The following ROPN1L variants were observed in gnomAD, a reference collection of about 807,000 sequenced individuals.
ROPN1L encodes the protein ropporin-1-like protein.
In ROPN1L, 23 loss-of-function variants were observed where a neutral mutation model predicts 22.7. The ratio of observed to expected loss-of-function variants is 1.01; its 90% CI spans 0.73 to 1.43. ROPN1L has a LOEUF of 1.43. Ranked by LOEUF, ROPN1L falls within the 40% of genes most tolerant of loss-of-function variation. The probability of loss-of-function intolerance (pLI) is 0.00; values close to 1 mark genes in which losing one functional copy is unlikely to be tolerated. For synonymous variants in ROPN1L, 116 were observed against 117.8 expected (o/e 0.98, Z 0.10); for missense variants, 271 against 291.5 (o/e 0.93, Z 0.51).
chr5:10,462,624 T>C (rs1022858094), intron 4 of ROPN1L, among the ~76,000 whole-genome samples: 1 of 152,198 alleles, frequency 6.6e-6, no homozygotes, highest in African/African-American at 2.4e-5. Flanking sequence ...CTGGGCACGG[T>C]GCCTCACGCC....
the ROPN1L span, among the ~76,000 whole-genome samples, chr5:10,479,684 G>A: frequency 2.6e-5 from 4 of 152,194 alleles, no homozygotes; most frequent in Non-Finnish European, 5.9e-5. Context: ...CTGAGCTCCT[G>A]TCCCTACTGT....
downstream of ROPN1L, among the ~76,000 whole-genome samples, chr5:10,472,970 G>T (rs1735271636): frequency 6.6e-6 from 1 of 152,192 alleles, no homozygotes; most frequent in South Asian, 2.1e-4. Flanking sequence ...GGAAGGCAGA[G>T]TGCCAGGGTT....
chr5:10,473,245 G>C (rs1324870642), downstream of ROPN1L, among the ~76,000 whole-genome samples: 4 of 152,146 alleles, frequency 2.6e-5, no homozygotes, highest in African/African-American at 9.7e-5. Context: ...TTTGGAAAAA[G>C]GGTCTTTGTA....
At chr5:10,467,403 G>A (rs1735172950), downstream of ROPN1L, among the ~76,000 whole-genome samples, 1 of 152,144 alleles carries the variant, frequency 6.6e-6, no homozygotes, top group Non-Finnish European at 1.5e-5. Flanking sequence ...GGTTAAGGAC[G>A]TGCCTGGAAG....
chr5:10,465,514 C>CA (rs149350040), downstream of ROPN1L, among the ~76,000 whole-genome samples: 21,119 of 136,224 alleles, frequency 0.16, 2,218 homozygotes, highest in East Asian at 0.55. Flanking sequence ...GACTCCGTCT[C>CA]AAAAAAAAAC....
chr5:10,457,225 T>C (rs1251594905), intron 3 of ROPN1L, among the ~76,000 whole-genome samples: 1 of 152,040 alleles, frequency 6.6e-6, no homozygotes, highest in African/African-American at 2.4e-5. Context: ...AACCGTGCCG[T>C]CCACCTCGGC....
chr5:10,444,344 G>A (rs1464978109), intron 1 of ROPN1L, among the ~76,000 whole-genome samples: 5 of 152,116 alleles, frequency 3.3e-5, no homozygotes, highest in Non-Finnish European at 7.3e-5. Flanking sequence ...AGGCTGGAGT[G>A]CAATGGCGAG....
At chr5:10,482,789 A>T in the ROPN1L span, among the ~76,000 whole-genome samples, 20 of 152,372 alleles carry the variant, frequency 1.3e-4, no homozygotes, top group East Asian at 3.5e-3. Flanking sequence ...GTGAAGAATC[A>T]TGAGATAAAA....
At chr5:10,465,027 C>T (rs1735128560), downstream of ROPN1L, 1 of 786,048 alleles carries the variant, frequency 1.3e-6, no homozygotes, top group East Asian at 2.5e-5. Flanking sequence ...CTGAATCACA[C>T]ACCTCTGTAG....
At chr5:10,481,873 G>A in the ROPN1L span, 1 of 152,342 alleles carries the variant, frequency 6.6e-6, no homozygotes, top group South Asian at 2.1e-4. Context: ...CTGCTCTGTA[G>A]GGAGACACCA....
intron 1 of ROPN1L, 143 bp from the exon 2 acceptor site, chr5:10,448,117 G>C (rs1008310990): frequency 3.0e-5 from 26 of 870,490 alleles, no homozygotes; most frequent in Non-Finnish European, 3.7e-5. Flanking sequence ...CCAAGTGGAG[G>C]AACCAGGACA....
chr5:10,476,024 C>G (rs1735312196), downstream of ROPN1L, among the ~76,000 whole-genome samples: 1 of 152,210 alleles, frequency 6.6e-6, no homozygotes, highest in Admixed American at 6.5e-5. Flanking sequence ...AGGTGAAGAG[C>G]AGGGAGGAGG....
In ROPN1L at chr5:10,461,342, C is replaced by T. The variant is rs1735023769; in HGVS notation, c.576C>T (p.Ala192=). ...CCTTGGAGACGGAATCCTACCTTGC[C>T]TCTCTAAAGGAAAATATGTAAGTAT... ...VSPLETESYL[A]SLKENIDARK... Residue 192 remains alanine (A), a synonymous_variant, in exon 4 of 5, where the codon GCC becomes GCT. Coordinates refer to ENST00000274134, the MANE Select transcript of ROPN1L (RefSeq NM_031916.5). 2 of 1,613,764 alleles carry T rather than the reference C, an allele frequency of 1.2e-6. No individual in the cohort carries two copies. Among genetic ancestry groups the T allele is most frequent in the Admixed American group, 1.7e-5 (1 of 59,988 alleles).
chr5:10,474,017 T>C (rs1039021341), downstream of ROPN1L, among the ~76,000 whole-genome samples: 4 of 152,072 alleles, frequency 2.6e-5, no homozygotes, highest in African/African-American at 9.7e-5. Flanking sequence ...CTGGGCGTGG[T>C]GGCGCACACC....
At chr5:10,468,553 T>C (rs1735194501), downstream of ROPN1L, among the ~76,000 whole-genome samples, 1 of 152,228 alleles carries the variant, frequency 6.6e-6, no homozygotes, top group South Asian at 2.1e-4. Flanking sequence ...TTGCTTGTCT[T>C]TAGGGGGTAA....
downstream of ROPN1L, among the ~76,000 whole-genome samples, chr5:10,475,924 T>G (rs1735311096): frequency 6.6e-6 from 1 of 152,254 alleles, no homozygotes; most frequent in Admixed American, 6.5e-5. Flanking sequence ...GTGCTCCACA[T>G]GATCATTCAG....
chr5:10,478,182 T>G, the ROPN1L span: 1 of 152,358 alleles, frequency 6.6e-6, no homozygotes, highest in African/African-American at 2.4e-5. Flanking sequence ...CCCTGCACTG[T>G]GTGTCTACTG....
intron 3 of ROPN1L, among the ~76,000 whole-genome samples, chr5:10,452,900 G>GT (rs1435539531): frequency 6.6e-6 from 1 of 152,192 alleles, no homozygotes; most frequent in African/African-American, 2.4e-5. Context: ...GAGACATTGT[G>GT]TTAAGGATAG....
intron 4 of ROPN1L, among the ~76,000 whole-genome samples, chr5:10,462,035 T>C (rs1435263751): frequency 6.6e-6 from 1 of 152,186 alleles, no homozygotes; most frequent in African/African-American, 2.4e-5. Flanking sequence ...TCCTGGAAGC[T>C]TTGTGATTGA....
Sources: gnomAD v4.1 joint callset for allele counts (sites outside exome capture counted in the v4.1 genomes callset) on GRCh38, gnomAD v4.1.1 for gene constraint, MANE v1.5 for transcripts, NCBI Gene and HGNC (gene_info 2026-07-23, HGNC 2026-07-21) for gene names.